PRAG1: variants seen among roughly 807,000 people sequenced by gnomAD.
PRAG1 encodes inactive tyrosine-protein kinase PRAG1.
PRAG1 carries 110 observed loss-of-function variants against 95.6 expected under a neutral mutation model. That is an observed-to-expected ratio of 1.15 (90% confidence interval 0.99 to 1.35). The LOEUF is 1.35. Ranked by LOEUF, PRAG1 falls within the 40% of genes most tolerant of loss-of-function variation. The pLI, the probability that PRAG1 is intolerant of heterozygous loss-of-function variation, is 0.00. For missense variants in PRAG1, 2,554 were observed against 1,864.7 expected (o/e 1.37, Z -6.81); for synonymous variants, 1,052 against 819.4 (o/e 1.28, Z -4.85).
intron 3 of PRAG1, among the ~76,000 whole-genome samples, chr8:8,375,046 C>T (rs185898377): frequency 1.3e-5 from 2 of 151,200 alleles, no homozygotes; most frequent in African/African-American, 4.9e-5. Context: ...TTTTTTTCCC[C>T]AGCATTTAAA....
intron 3 of PRAG1, among the ~76,000 whole-genome samples, chr8:8,372,373 TC>T: frequency 6.6e-6 from 1 of 152,346 alleles, no homozygotes; most frequent in Middle Eastern, 3.4e-3. Context: ...CACCCTTCTT[TC>T]CTGAAGTATT....
Position 8,381,639 on chromosome 8 carries a change from G to A in PRAG1, c.109C>T (p.Arg37Trp), listed in dbSNP as rs1012861668. The stretch of plus-strand genomic sequence containing the variant: ...CCGGCCACCAGCTGGTGGTCGCTCC[G>A]CAGGCAGAAGCAGTTCTTGCAGGAC... The part of the protein sequence containing the change: ...PGSCKNCFCL[R>W]SDHQLVAGPP... Residue 37 changes from arginine (R) to tryptophan (W), a missense_variant, in exon 2 of 6, where the codon CGG becomes TGG. Coordinates refer to ENST00000615670, the MANE Select transcript of PRAG1 (RefSeq NM_001080826.3). 29 of 1,613,744 alleles carry A rather than the reference G, an allele frequency of 1.8e-5. No homozygotes were observed. The Middle Eastern group carries it at 6.6e-4, about 37-fold the overall frequency.
chr8:8,338,648 C>T (rs1047253770), intron 4 of PRAG1, among the ~76,000 whole-genome samples: 6 of 152,220 alleles, frequency 3.9e-5, no homozygotes, highest in Admixed American at 6.5e-5. Context: ...TTATAACACA[C>T]TCTTTTGTCT....
intron 3 of PRAG1, among the ~76,000 whole-genome samples, chr8:8,361,324 T>C (rs1051991633): frequency 3.3e-5 from 5 of 152,210 alleles, no homozygotes; most frequent in African/African-American, 4.8e-5. Context: ...CCCAGATTCC[T>C]GGAATTCCCA....
intron 3 of PRAG1, among the ~76,000 whole-genome samples, chr8:8,368,921 GAAAA>G (rs76544389): frequency 8.7e-6 from 1 of 115,186 alleles, no homozygotes. Context: ...TGCTCAGGTT[GAAAA>G]AAAAAAAAAA....
At chr8:8,380,852 C>CAAA (rs71217290) in intron 2 of PRAG1, among the ~76,000 whole-genome samples, 5 of 64,438 alleles carry the variant, frequency 7.8e-5, no homozygotes, top group Non-Finnish European at 9.1e-5. Context: ...GACTCCATCT[C>CAAA]AAAAAAAAAA....
intron 3 of PRAG1, among the ~76,000 whole-genome samples, chr8:8,358,133 C>A (rs1799737298): frequency 6.6e-6 from 1 of 152,186 alleles, no homozygotes; most frequent in Admixed American, 6.5e-5. Flanking sequence ...TTGGGGCTCC[C>A]ATAATCTCCT....
chr8:8,355,845 C>T (rs1196433057), intron 3 of PRAG1, among the ~76,000 whole-genome samples: 1 of 152,146 alleles, frequency 6.6e-6, no homozygotes, highest in Non-Finnish European at 1.5e-5. Context: ...ATAGGAAAAT[C>T]TATTTGATAT....
intron 3 of PRAG1, among the ~76,000 whole-genome samples, chr8:8,365,790 C>CTATATA (rs60657487): frequency 0.021 from 3,136 of 148,456 alleles, 63 homozygotes; most frequent in African/African-American, 0.056. Context: ...TGGTGAAACC[C>CTATATA]TATATATATA....
At chr8:8,324,135 C>G (rs1798557923) in intron 5 of PRAG1, among the ~76,000 whole-genome samples, 1 of 152,208 alleles carries the variant, frequency 6.6e-6, no homozygotes, top group African/African-American at 2.4e-5. Flanking sequence ...CTTGCCATCT[C>G]GGCTGTAGCC....
chr8:8,381,355 G>T, intron 2 of PRAG1, 63 bp downstream of exon 2: 1 of 1,505,508 alleles, frequency 6.6e-7, no homozygotes, highest in Non-Finnish European at 9.0e-7. Context: ...CTGCCAGCCA[G>T]TCACCAAGTG....
At chr8:8,367,458 CAAAAAAAAAAAAAAAAAAAAAAA>C (rs1158165514) in intron 3 of PRAG1, among the ~76,000 whole-genome samples, 11 of 26,218 alleles carry the variant, frequency 4.2e-4, no homozygotes, top group Admixed American at 6.5e-4. Flanking sequence ...GACTCCATCT[CAAAAAAAAAAAAAAAAAAAAAAA>C]AAAAAAAAAA....
intron 3 of PRAG1, among the ~76,000 whole-genome samples, chr8:8,375,233 T>G (rs1350239736): frequency 8.1e-6 from 1 of 123,746 alleles, no homozygotes; most frequent in African/African-American, 3.3e-5. Flanking sequence ...TGAGACAGTC[T>G]CACTCTGTCG....
chr8:8,375,540 C>T (rs150664175), intron 3 of PRAG1, among the ~76,000 whole-genome samples: 2 of 152,194 alleles, frequency 1.3e-5, no homozygotes, highest in East Asian at 3.9e-4. Flanking sequence ...GGGTTCCTAA[C>T]CACATGTAAA....
At chr8:8,322,543 C>A (rs1428029558) in intron 5 of PRAG1, among the ~76,000 whole-genome samples, 1 of 152,040 alleles carries the variant, frequency 6.6e-6, no homozygotes, top group Non-Finnish European at 1.5e-5. Context: ...CCAAAGTGAA[C>A]ATAAAAAAAT....
intron 3 of PRAG1, among the ~76,000 whole-genome samples, chr8:8,345,383 G>A (rs74974433): frequency 2.1e-5 from 3 of 141,894 alleles, no homozygotes; most frequent in Non-Finnish European, 3.1e-5. Context: ...AAAAAAAAAA[G>A]AAAGAAAGAA....
Position 8,317,800 on chromosome 8 carries a change from A to G in PRAG1, c.*354T>C, listed in dbSNP as rs999607743. The stretch of plus-strand genomic sequence containing the variant: ...CTTTTTTTTTTTTCTTTAAATAACA[A>G]TTTGACAAAAGGGTGAAGAAATCCT... On this transcript the variant is annotated 3_prime_UTR_variant, in exon 6 of 6. Transcript: ENST00000615670. 6.0e-6 allele frequency: 1 copy of G among 167,110 alleles called. No homozygotes were observed. The highest frequency in any genetic ancestry group is 1.3e-5 in the Non-Finnish European group (1 of 78,714). The allele number at this position is 167,110 out of a possible 1,614,324, so 10.4% of individuals were successfully genotyped here.
chr8:8,371,094 C>A (rs1208070139), intron 3 of PRAG1, among the ~76,000 whole-genome samples: 2 of 146,692 alleles, frequency 1.4e-5, no homozygotes, highest in Non-Finnish European at 3.0e-5. Flanking sequence ...CAAGGTACCA[C>A]CACTGTACTC....
intron 3 of PRAG1, among the ~76,000 whole-genome samples, chr8:8,347,480 T>C (rs1799383528): frequency 6.6e-6 from 1 of 152,242 alleles, no homozygotes; most frequent in African/African-American, 2.4e-5. Flanking sequence ...AATTCAAATA[T>C]GCTCTAAAAT....
Sources: allele counts gnomAD v4.1 joint callset (sites outside exome capture counted in the v4.1 genomes callset), GRCh38; gene constraint gnomAD v4.1.1; transcripts MANE v1.5; gene names NCBI Gene and HGNC (gene_info 2026-07-23, HGNC 2026-07-21).